The following FAAH variants were observed in gnomAD, a reference collection of about 807,000 sequenced individuals.
FAAH encodes fatty acid amide hydrolase.
Under a neutral mutation model 69.7 loss-of-function variants are expected in FAAH, and 63 were observed. The ratio of observed to expected loss-of-function variants is 0.90; its 90% CI spans 0.74 to 1.12. The LOEUF (loss-of-function observed/expected upper bound fraction) is 1.12, where lower values mean the gene tolerates loss of function less well. Ranked by LOEUF, FAAH falls within the 50% of genes most tolerant of loss-of-function variation. The probability of loss-of-function intolerance (pLI) is 0.00; values close to 1 mark genes in which losing one functional copy is unlikely to be tolerated. For synonymous variants in FAAH, 305 were observed against 324.2 expected (o/e 0.94, Z 0.64); for missense variants, 680 against 755.0 (o/e 0.90, Z 1.16).
chr1:46,409,537 A>G (rs1664862804), intron 9 of FAAH, among the ~76,000 whole-genome samples: 1 of 152,028 alleles, frequency 6.6e-6, no homozygotes, highest in Non-Finnish European at 1.5e-5. Context: ...TTTGGACTTG[A>G]TGCTGTGACT....
At chr1:46,402,233 T>C in intron 2 of FAAH, 29 bp downstream of exon 2, 1 of 1,552,122 alleles carries the variant, frequency 6.4e-7, no homozygotes, top group Non-Finnish European at 8.7e-7. Flanking sequence ...AGCCCCTCCC[T>C]GGGAAAGGTA....
At position 46,412,223 on chromosome 1, in the gene FAAH, G is replaced by A; in HGVS notation, c.1437G>A (p.Leu479=). 6.4e-7 allele frequency: 1 copy of A among 1,555,440 alleles called. No individual in the cohort carries two copies. Among genetic ancestry groups the A allele is most frequent in the Non-Finnish European group, 8.7e-7 (1 of 1,149,254 alleles). ...TGACCCCCATGCTGGCCCCTGCTCT[G>A]GACTTGAATGCCCCAGGCAGGGCCA... ...VVLTPMLAPA[L]DLNAPGRATG... The change falls in exon 13 of 15, where the codon CTG becomes CTA. Residue 479 remains leucine, a synonymous_variant. Coordinates refer to ENST00000243167, the MANE Select transcript of FAAH (RefSeq NM_001441.3).
chr1:46,403,699 G>A (rs1183174023), intron 2 of FAAH, among the ~76,000 whole-genome samples: 1 of 152,198 alleles, frequency 6.6e-6, no homozygotes, highest in African/African-American at 2.4e-5. Flanking sequence ...TGAGCCTTCG[G>A]GGCTCAGAGC....
intron 1 of FAAH, among the ~76,000 whole-genome samples, chr1:46,400,828 AG>A (rs1366492572): frequency 2.3e-5 from 1 of 44,034 alleles, no homozygotes; most frequent in East Asian, 6.6e-4. Context: ...GAGGAGGGTA[AG>A]AGGGGAGGGG....
At chr1:46,401,342 C>G (rs1664700336) in intron 1 of FAAH, among the ~76,000 whole-genome samples, 2 of 152,066 alleles carry the variant, frequency 1.3e-5, no homozygotes, top group African/African-American at 2.4e-5. Flanking sequence ...AGATAGGCAG[C>G]CTTTAAGAAC....
At chr1:46,408,933 C>T (rs144217473) in intron 8 of FAAH, among the ~76,000 whole-genome samples, 168 bp from the exon 9 acceptor site, 1 of 152,278 alleles carries the variant, frequency 6.6e-6, no homozygotes, top group Non-Finnish European at 1.5e-5. Flanking sequence ...TCATGCTGTG[C>T]ATTCCACAGT....
Position 46,405,298 on chromosome 1 carries a change from C to T in FAAH, c.445-74C>T. 1 of 1,606,026 alleles carries T rather than the reference C, an allele frequency of 6.2e-7. No individual in the cohort carries two copies. Among genetic ancestry groups the T allele is most frequent in the Non-Finnish European group, 8.5e-7 (1 of 1,179,578 alleles). ...GGTATACCTGTTTTGGCCTGTGTGA[C>T]AGTTGTTGGAGTGGACCCTTGGCTG... is the stretch of plus-strand genomic sequence containing the variant. On this transcript the variant is annotated intron_variant, in intron 3 of 14. Coordinates refer to ENST00000243167, the MANE Select transcript of FAAH (RefSeq NM_001441.3). The surrounding 1 kb of genome is among the most constrained non-coding windows in gnomAD (Gnocchi z 4.1).
rs772827027 is a variant in FAAH at position 46,405,520 on chromosome 1, T to C, written c.578+15T>C. The C allele has an allele frequency of 1.0e-5, 2 of 200,816 alleles. No individual in the cohort carries two copies. The highest frequency in any genetic ancestry group is 1.3e-4 in the East Asian group (1 of 7,992). The allele number at this position is 200,816 out of a possible 1,614,324, so 12.4% of individuals were successfully genotyped here. On this transcript the variant is annotated intron_variant, in intron 4 of 14. Transcript: ENST00000243167. The surrounding 1 kb of genome is among the most constrained non-coding windows in gnomAD (Gnocchi z 4.1). Reference sequence around the variant, plus strand: ...TCCATGTTCAGGTTGGGTCTTGGGGTGGGGCGGGGCGGGGCAGGGGCACCG... The same window carrying C: ...TCCATGTTCAGGTTGGGTCTTGGGGCGGGGCGGGGCGGGGCAGGGGCACCG...
intron 1 of FAAH, among the ~76,000 whole-genome samples, chr1:46,396,333 C>T (rs1164809455): frequency 1.3e-5 from 2 of 152,200 alleles, no homozygotes; most frequent in African/African-American, 4.8e-5. Context: ...TGACACATTC[C>T]ATTCCCAGGG....
chr1:46,406,831 C>T (rs1460185174), intron 7 of FAAH, among the ~76,000 whole-genome samples: 1 of 151,834 alleles, frequency 6.6e-6, no homozygotes, highest in Non-Finnish European at 1.5e-5. Flanking sequence ...TGGTCTGGAT[C>T]TCCTGACCTC....
chr1:46,398,819 G>A (rs45578535), intron 1 of FAAH, among the ~76,000 whole-genome samples: 3,276 of 152,298 alleles, frequency 0.022, 106 homozygotes, highest in African/African-American at 0.073. Flanking sequence ...ACAGGTGTGA[G>A]CCACCACTCC....
rs1263678800 is a variant in FAAH at position 46,406,266 on chromosome 1, G to C, written c.849G>C (p.Met283Ile). ...QEAVRLSVGPMARDVESLALC... is the reference protein window; with the variant it reads ...QEAVRLSVGPIARDVESLALC... ...CAGTGCGTCTCTCCGTGGGCCCCAT[G>C]GCCCGGGACGTGGAGAGCCTGGCAC... Residue 283 changes from methionine (M) to isoleucine (I), a missense_variant, in exon 7 of 15, where the codon ATG becomes ATC. Met to Ile is a conservative substitution (Grantham distance 10). Coordinates refer to ENST00000243167, the MANE Select transcript of FAAH (RefSeq NM_001441.3). The C allele has an allele frequency of 1.2e-6, 2 of 1,614,032 alleles. No homozygotes were observed. Among genetic ancestry groups the C allele is most frequent in the Admixed American group, 3.3e-5 (2 of 60,034 alleles).
At chr1:46,403,641 G>C (rs1344303435) in intron 2 of FAAH, among the ~76,000 whole-genome samples, 3 of 152,226 alleles carry the variant, frequency 2.0e-5, no homozygotes, top group African/African-American at 7.2e-5. Flanking sequence ...TACCTGGAAG[G>C]CTGTTTCCCT....
chr1:46,407,048 C>G (rs1193234956), intron 7 of FAAH, among the ~76,000 whole-genome samples: 1 of 151,812 alleles, frequency 6.6e-6, no homozygotes, highest in African/African-American at 2.4e-5. Context: ...GCACGCCACG[C>G]TGCCTGCAGA....
At position 46,411,097 on chromosome 1, in the gene FAAH, G is replaced by T; in HGVS notation, c.1316+243G>T. 6.6e-6 allele frequency among the ~76,000 whole-genome samples: 1 copy of T among 152,302 alleles called. No homozygotes were observed. Among genetic ancestry groups the T allele is most frequent in the South Asian group, 2.1e-4 (1 of 4,830 alleles). ...AGGATGGGGGAGTTGGAGGGGAGGAGGTTGACCTGGCTGGGGCATGAGTGG... is the reference window on the plus strand; with the variant it reads ...AGGATGGGGGAGTTGGAGGGGAGGATGTTGACCTGGCTGGGGCATGAGTGG... On this transcript the variant is annotated intron_variant, in intron 11 of 14. Transcript: ENST00000243167. The surrounding 1 kb of genome is among the most constrained non-coding windows in gnomAD (Gnocchi z 4.8).
rs1444293344 is a variant in FAAH at position 46,404,289 on chromosome 1, C to G, written c.310-725C>G. ...TTGCACATGCCTGAATATGGCAACACAGCCCACCCTGTTTCCCCCAGATAC... is the reference window on the plus strand; with the variant it reads ...TTGCACATGCCTGAATATGGCAACAGAGCCCACCCTGTTTCCCCCAGATAC... On this transcript the variant is annotated intron_variant, in intron 2 of 14. Coordinates refer to ENST00000243167, the MANE Select transcript of FAAH (RefSeq NM_001441.3). This position sits in a 1 kb window ranked among gnomAD's most constrained non-coding sequence, Gnocchi z 4.5. Among the ~76,000 whole-genome samples, 1 of 152,232 alleles carries G rather than the reference C, an allele frequency of 6.6e-6. No individual in the cohort carries two copies. Among genetic ancestry groups the G allele is most frequent in the Non-Finnish European group, 1.5e-5 (1 of 68,038 alleles).
chr1:46,412,951 C>A, intron 13 of FAAH, 124 bp from the exon 14 acceptor site: 2 of 1,216,980 alleles, frequency 1.6e-6, no homozygotes, highest in South Asian at 1.3e-5. Context: ...AGACCTCAGT[C>A]CTGGGAGAGA....
Position 46,412,132 on chromosome 1 carries a change from G to A in FAAH, c.1357-11G>A. Reference sequence around the variant, plus strand: ...TGAGTGCTTTCACCTGGTGTGTTGTGTCCTCCGCAGGTGTACCGCAAAACC... The same window carrying A: ...TGAGTGCTTTCACCTGGTGTGTTGTATCCTCCGCAGGTGTACCGCAAAACC... On this transcript the variant is annotated splice_polypyrimidine_tract_variant and intron_variant, in intron 12 of 14. Coordinates refer to ENST00000243167, the MANE Select transcript of FAAH (RefSeq NM_001441.3). The A allele has an allele frequency of 6.4e-7, 1 of 1,552,212 alleles. No individual in the cohort carries two copies. Among genetic ancestry groups the A allele is most frequent in the Non-Finnish European group, 8.7e-7 (1 of 1,146,784 alleles).
chr1:46,409,365 G>A (rs1340307283), intron 9 of FAAH, 167 bp downstream of exon 9: 5 of 664,326 alleles, frequency 7.5e-6, no homozygotes, highest in Non-Finnish European at 8.3e-6. Flanking sequence ...CATTGAGCCT[G>A]GAGATCCCTT....
Sources: allele counts gnomAD v4.1 joint callset (sites outside exome capture counted in the v4.1 genomes callset), GRCh38; gene constraint gnomAD v4.1.1; non-coding constraint Gnocchi (gnomAD v3.1); transcripts MANE v1.5; gene names NCBI Gene and HGNC (gene_info 2026-07-23, HGNC 2026-07-21).